FDFT1: variants seen among roughly 807,000 people sequenced by gnomAD.
The protein encoded by FDFT1 is farnesyl-diphosphate farnesyltransferase 1, also known as squalene synthase.
In FDFT1, 68 loss-of-function variants were observed where a neutral mutation model predicts 46.8. The ratio of observed to expected loss-of-function variants is 1.45; its 90% CI spans 1.19 to 1.78. The LOEUF (loss-of-function observed/expected upper bound fraction) is 1.78, where lower values mean the gene tolerates loss of function less well. FDFT1 is among the 40% of genes most tolerant of loss of function. FDFT1 has a pLI of 0.00. For missense variants in FDFT1, 928 were observed against 524.4 expected (o/e 1.77, Z -7.52); for synonymous variants, 351 against 185.1 (o/e 1.90, Z -7.28).
At chr8:11,823,154 C>G (rs1378597584) in intron 4 of FDFT1, among the ~76,000 whole-genome samples, 1 of 152,028 alleles carries the variant, frequency 6.6e-6, no homozygotes, top group Non-Finnish European at 1.5e-5. Flanking sequence ...GAGGGTTTTG[C>G]CATGTTGCCC....
intron 3 of FDFT1, among the ~76,000 whole-genome samples, chr8:11,814,300 G>GA (rs1808141041): frequency 2.2e-5 from 3 of 138,004 alleles, no homozygotes; most frequent in African/African-American, 8.1e-5. Context: ...GATTTTATAG[G>GA]TTTTTTTTTT....
chr8:11,824,477 C>G (rs1163117857), intron 4 of FDFT1, among the ~76,000 whole-genome samples: 1 of 152,174 alleles, frequency 6.6e-6, no homozygotes, highest in Admixed American at 6.5e-5. Context: ...TAGTTTTGAA[C>G]TCTTAGCCCC....
chr8:11,805,603 G>C (rs770992499), intron 1 of FDFT1, among the ~76,000 whole-genome samples: 3 of 152,162 alleles, frequency 2.0e-5, no homozygotes, highest in African/African-American at 7.2e-5. Flanking sequence ...ATGTATGTAT[G>C]GTAACGATTT....
At chr8:11,834,762 G>T (rs1019559870) in intron 7 of FDFT1, among the ~76,000 whole-genome samples, 3 of 152,220 alleles carry the variant, frequency 2.0e-5, no homozygotes, top group Non-Finnish European at 4.4e-5. Context: ...CAGAGGAGCT[G>T]CTGTATGTAG....
upstream of FDFT1, among the ~76,000 whole-genome samples, chr8:11,800,121 G>T (rs192263184): frequency 6.7e-6 from 1 of 149,074 alleles, no homozygotes; most frequent in Non-Finnish European, 1.5e-5. Context: ...TTACCCAGGC[G>T]TGGTGGTTGG....
chr8:11,816,027 C>G (rs1223701478), intron 3 of FDFT1, among the ~76,000 whole-genome samples: 5 of 152,292 alleles, frequency 3.3e-5, no homozygotes, highest in South Asian at 4.1e-4. Flanking sequence ...TTCAGTCCAT[C>G]TTGAGTTAAT....
chr8:11,827,973 G>T (rs1585977895), intron 5 of FDFT1, among the ~76,000 whole-genome samples: 1 of 152,150 alleles, frequency 6.6e-6, no homozygotes, highest in Non-Finnish European at 1.5e-5. Context: ...AAGCCCAGGT[G>T]AGTGGATCAC....
intron 4 of FDFT1, among the ~76,000 whole-genome samples, chr8:11,824,253 T>G (rs1809657967): frequency 6.6e-6 from 1 of 152,212 alleles, no homozygotes; most frequent in Non-Finnish European, 1.5e-5. Flanking sequence ...TATGTGGATA[T>G]TGCATTAAGT....
intron 3 of FDFT1, among the ~76,000 whole-genome samples, chr8:11,817,961 G>C (rs1307102708): frequency 6.6e-6 from 1 of 151,934 alleles, no homozygotes; most frequent in Non-Finnish European, 1.5e-5. Flanking sequence ...TTAAGGTGTT[G>C]TTTTTAGATC....
rs538158715 is a variant in FDFT1 at position 11,831,096 on chromosome 8, T to A, written c.880-422T>A. 1.3e-5 allele frequency among the ~76,000 whole-genome samples: 2 copies of A among 152,316 alleles called. 1 individual carries two copies. Among genetic ancestry groups the A allele is most frequent in the South Asian group, 4.1e-4 (2 of 4,824 alleles). On this transcript the variant is annotated intron_variant, in intron 6 of 7. Coordinates refer to ENST00000220584, the MANE Select transcript of FDFT1 (RefSeq NM_004462.5). Reference sequence around the variant, plus strand: ...CCTTCTGGTTGTTCTCCCCCTGGCATTGGTTTTAAATATATAATGATTATG... The same window carrying A: ...CCTTCTGGTTGTTCTCCCCCTGGCAATGGTTTTAAATATATAATGATTATG...
rs764228366 is a variant in FDFT1, at chr8:11,831,690, C to T, written c.1032+20C>T. On this transcript the variant is annotated intron_variant, in intron 7 of 7. Coordinates refer to ENST00000220584, the MANE Select transcript of FDFT1 (RefSeq NM_004462.5). ...GAAGAGGTGGGTTTTTATTTAACTA[C>T]TTGGATAATTTGTAGCTACTTTTAT... 1.3e-6 allele frequency: 2 copies of T among 1,594,394 alleles called. No individual in the cohort carries two copies. Among genetic ancestry groups the T allele is most frequent in the African/African-American group, 1.3e-5 (1 of 74,522 alleles).
chr8:11,824,781 G>C (rs1219093107), intron 4 of FDFT1, among the ~76,000 whole-genome samples: 6 of 152,048 alleles, frequency 3.9e-5, no homozygotes, highest in Non-Finnish European at 5.9e-5. Flanking sequence ...TGTCGCCCAG[G>C]CTGGAGTGCA....
upstream of FDFT1, among the ~76,000 whole-genome samples, chr8:11,797,638 C>CAAAAAAAAAAAAAAAAAAAA (rs34350077): frequency 9.0e-4 from 68 of 75,322 alleles, no homozygotes; most frequent in East Asian, 1.4e-3. Flanking sequence ...CACACACACT[C>CAAAAAAAAAAAAAAAAAAAA]AAAAAAAAAA....
intron 1 of FDFT1, chr8:11,803,222 AC>A: frequency 1.4e-6 from 2 of 1,400,034 alleles, no homozygotes; most frequent in Non-Finnish European, 1.9e-6. Flanking sequence ...ATCGGCGCTT[AC>A]CGGTATTTTA....
At chr8:11,827,900 C>CAA (rs113808742) in intron 5 of FDFT1, among the ~76,000 whole-genome samples, 8 of 142,236 alleles carry the variant, frequency 5.6e-5, no homozygotes, top group Non-Finnish European at 1.2e-4. Context: ...CAAAACAAAA[C>CAA]AAAAAAAACA....
Position 11,826,025 on chromosome 8 carries a change from A to G in FDFT1, c.512A>G (p.Tyr171Cys). 1 of 1,570,468 alleles carries G rather than the reference A, an allele frequency of 6.4e-7. No individual in the cohort carries two copies. The highest frequency in any genetic ancestry group is 8.7e-7 in the Non-Finnish European group (1 of 1,148,716). Residue 171 changes from tyrosine to cysteine, a missense_variant and splice_region_variant, in exon 5 of 8, where the codon TAC becomes TGC. Coordinates refer to ENST00000220584, the MANE Select transcript of FDFT1 (RefSeq NM_004462.5). ...TGCTTTAAAAATCGTCTCTTACAGT[A>G]CTGCCACTATGTTGCTGGGCTGGTC... Reference protein sequence around the residue: ...HVTSEQEWDKYCHYVAGLVGI... With the variant: ...HVTSEQEWDKCCHYVAGLVGI...
At chr8:11,803,482 T>C (rs999722243) in intron 1 of FDFT1, 8 of 1,256,620 alleles carry the variant, frequency 6.4e-6, no homozygotes, top group Admixed American at 5.1e-5. Flanking sequence ...CAATGAGTTA[T>C]CTAACGTCTA....
upstream of FDFT1, among the ~76,000 whole-genome samples, chr8:11,800,779 T>G (rs569258105): frequency 3.3e-5 from 5 of 152,344 alleles, no homozygotes; most frequent in African/African-American, 9.6e-5. Context: ...AAGTTACTAT[T>G]TATTCCTAAT....
At chr8:11,822,997 C>G (rs922059922) in intron 4 of FDFT1, among the ~76,000 whole-genome samples, 6 of 152,038 alleles carry the variant, frequency 3.9e-5, no homozygotes, top group African/African-American at 1.4e-4. Context: ...TGCTGTTATC[C>G]AGGCTGGTGT....
Sources: gnomAD v4.1 joint callset for allele counts (sites outside exome capture counted in the v4.1 genomes callset) on GRCh38, gnomAD v4.1.1 for gene constraint, MANE v1.5 for transcripts, NCBI Gene and HGNC (gene_info 2026-07-23, HGNC 2026-07-21) for gene names.